The following EYA2 variants were observed in gnomAD, a reference collection of about 807,000 sequenced individuals.
EYA2 encodes protein phosphatase EYA2.
Under a neutral mutation model 69.2 loss-of-function variants are expected in EYA2, and 31 were observed. That is an observed-to-expected ratio of 0.45 (90% CI 0.34 to 0.60). EYA2 has a LOEUF of 0.60. EYA2 is among the 20% of genes least tolerant of loss of function. EYA2 has a pLI of 0.02. For missense variants in EYA2, 622 were observed against 701.2 expected (o/e 0.89, Z 1.28); for synonymous variants, 257 against 279.4 (o/e 0.92, Z 0.80).
intron 9 of EYA2, among the ~76,000 whole-genome samples, chr20:47,121,654 T>C (rs2033047936): frequency 6.6e-6 from 1 of 152,098 alleles, no homozygotes; most frequent in African/African-American, 2.4e-5. Context: ...TCTCTACAAT[T>C]AAAAATAAAA....
intron 1 of EYA2, among the ~76,000 whole-genome samples, chr20:46,957,685 G>A (rs1344051633): frequency 6.6e-6 from 1 of 152,138 alleles, no homozygotes. Context: ...GGCTGAAATG[G>A]ATTCTCACCT....
At chr20:47,029,745 ATC>A (rs1394864849) in intron 5 of EYA2, among the ~76,000 whole-genome samples, 1 of 152,130 alleles carries the variant, frequency 6.6e-6, no homozygotes, top group East Asian at 1.9e-4. Flanking sequence ...CATTCACCCC[ATC>A]TCTTTTTCTT....
intron 10 of EYA2, among the ~76,000 whole-genome samples, chr20:47,153,191 TACAAAACAAA>T (rs1184232973): frequency 6.6e-6 from 1 of 151,864 alleles, no homozygotes; most frequent in Admixed American, 6.6e-5. Context: ...TTAATTAAAA[TACAAAACAAA>T]ACAAAACAAA....
chr20:46,950,125 C>T (rs964206382), intron 1 of EYA2, among the ~76,000 whole-genome samples: 5 of 152,130 alleles, frequency 3.3e-5, no homozygotes, highest in Non-Finnish European at 5.9e-5. Flanking sequence ...AATCCAGGCT[C>T]GTTTAAAGGT....
intron 10 of EYA2, among the ~76,000 whole-genome samples, chr20:47,166,055 G>GGTA (rs1484994369): frequency 6.6e-6 from 1 of 151,710 alleles, no homozygotes; most frequent in African/African-American, 2.4e-5. Flanking sequence ...AAATGAATGA[G>GGTA]GCAGGGGCTT....
chr20:47,004,202 C>T (rs1982549383), intron 3 of EYA2, among the ~76,000 whole-genome samples: 1 of 152,112 alleles, frequency 6.6e-6, no homozygotes, highest in Non-Finnish European at 1.5e-5. Context: ...TGGAATAGCT[C>T]ACAACATAAA....
intron 1 of EYA2, among the ~76,000 whole-genome samples, chr20:46,976,037 A>G (rs991542986): frequency 6.6e-6 from 1 of 152,072 alleles, no homozygotes; most frequent in African/African-American, 2.4e-5. Flanking sequence ...TGCTCTGAAT[A>G]GGCTGCTGGG....
At chr20:46,968,247 A>G (rs1001897467) in intron 1 of EYA2, among the ~76,000 whole-genome samples, 2 of 152,238 alleles carry the variant, frequency 1.3e-5, no homozygotes, top group Non-Finnish European at 2.9e-5. Context: ...CTGAACCGCC[A>G]TCACCAGACA....
intron 7 of EYA2, among the ~76,000 whole-genome samples, chr20:47,081,717 T>G (rs1220608955): frequency 1.1e-4 from 16 of 146,084 alleles, no homozygotes; most frequent in Non-Finnish European, 2.2e-4. Context: ...AGGCAGAGGT[T>G]GCAGCGAGCC....
At chr20:46,910,554 A>T (rs1031304674) in intron 1 of EYA2, among the ~76,000 whole-genome samples, 6 of 152,214 alleles carry the variant, frequency 3.9e-5, no homozygotes, top group Non-Finnish European at 8.8e-5. Flanking sequence ...GCTTCAGAGG[A>T]TAAGTGAGAG....
intron 10 of EYA2, among the ~76,000 whole-genome samples, chr20:47,158,169 G>A (rs900183265): frequency 4.0e-5 from 6 of 151,826 alleles, no homozygotes; most frequent in Admixed American, 2.6e-4. Context: ...CCCTTGCCTC[G>A]TAACACACCT....
intron 5 of EYA2, among the ~76,000 whole-genome samples, chr20:47,044,520 G>T (rs545657568): frequency 5.3e-5 from 8 of 152,140 alleles, no homozygotes; most frequent in South Asian, 2.1e-4. Context: ...AGTCTTTCGG[G>T]GGGGTGGGGG....
intron 9 of EYA2, among the ~76,000 whole-genome samples, chr20:47,107,630 C>T (rs958423408): frequency 6.6e-6 from 1 of 150,888 alleles, no homozygotes; most frequent in Non-Finnish European, 1.5e-5. Flanking sequence ...TGCTTGAGGC[C>T]AGAAGTTCAA....
chr20:47,159,732 G>A (rs2034025383), intron 10 of EYA2, among the ~76,000 whole-genome samples: 1 of 152,040 alleles, frequency 6.6e-6, no homozygotes, highest in African/African-American at 2.4e-5. Context: ...GCTCATGCCT[G>A]GAATCCCAGC....
chr20:47,182,861 C>T (rs1299717828), intron 14 of EYA2, among the ~76,000 whole-genome samples: 1 of 152,060 alleles, frequency 6.6e-6, no homozygotes, highest in Admixed American at 6.6e-5. Flanking sequence ...GGCTTGAACC[C>T]AGAAAGTGGA....
intron 5 of EYA2, among the ~76,000 whole-genome samples, chr20:47,048,466 A>G (rs2030159267): frequency 6.6e-6 from 1 of 152,232 alleles, no homozygotes; most frequent in South Asian, 2.1e-4. Flanking sequence ...GGCCGGGTGC[A>G]GTGGCCCATA....
rs191790674 is a variant in EYA2 at position 47,030,573 on chromosome 20, C to T, written c.415+14276C>T. Among the ~76,000 whole-genome samples the T allele has an allele frequency of 2.6e-5, 4 of 152,248 alleles. No individual in the cohort carries two copies. In the East Asian group the frequency reaches 7.7e-4, roughly 29 times the overall value. ...GCGGTGCATGAGTCTAGTTAACCTG[C>T]CATAACAAAATACCATGGTCTTGGT... On this transcript the variant is annotated intron_variant, in intron 5 of 15. Coordinates refer to ENST00000327619, the MANE Select transcript of EYA2 (RefSeq NM_005244.5).
At chr20:47,065,691 A>C (rs758634903) in intron 5 of EYA2, among the ~76,000 whole-genome samples, 7 of 152,142 alleles carry the variant, frequency 4.6e-5, no homozygotes, top group African/African-American at 7.2e-5. Context: ...TGGAGGTTTA[A>C]ATTTCTCTAT....
Position 47,133,184 on chromosome 20 carries a change from G to C in EYA2, c.889-9875G>C, listed in dbSNP as rs532452388. ...TGAATCTGTGTGCACTGTCAGGAAG[G>C]CTCTGCCTGTAGGGTGACAGAGATG... On this transcript the variant is annotated intron_variant, in intron 9 of 15. Transcript: ENST00000327619. Among the ~76,000 whole-genome samples, 17 of 136,900 alleles carry C rather than the reference G, an allele frequency of 1.2e-4. No individual in the cohort carries two copies. The East Asian group carries it at 3.3e-3, about 27-fold the overall frequency. The allele number at this position is 136,900 out of a possible 152,430, so 89.8% of individuals were successfully genotyped here.
Sources: gnomAD v4.1 joint callset for allele counts (sites outside exome capture counted in the v4.1 genomes callset) on GRCh38, gnomAD v4.1.1 for gene constraint, MANE v1.5 for transcripts, NCBI Gene and HGNC (gene_info 2026-07-23, HGNC 2026-07-21) for gene names.